Variants in PCCA observed in about 807,000 individuals in gnomAD.
PCCA encodes propionyl-CoA carboxylase alpha chain, mitochondrial.
Under a neutral mutation model 101.3 loss-of-function variants are expected in PCCA, and 74 were observed. The observed-to-expected ratio is 0.73, with a 90% CI of 0.61 to 0.89. PCCA has a LOEUF of 0.89. Ranked by LOEUF, PCCA falls within the 40% of genes least tolerant of loss-of-function variation. The pLI, the probability that PCCA is intolerant of heterozygous loss-of-function variation, is 0.00. For synonymous variants in PCCA, 294 were observed against 313.6 expected (o/e 0.94, Z 0.66); for missense variants, 891 against 907.0 (o/e 0.98, Z 0.23).
At chr13:100,228,283 TG>T (rs2060268435) in intron 7 of PCCA, among the ~76,000 whole-genome samples, 1 of 152,234 alleles carries the variant, frequency 6.6e-6, no homozygotes, top group Non-Finnish European at 1.5e-5. Flanking sequence ...CCCAGAGTGC[TG>T]GGATTACAGG....
chr13:100,102,763 C>T, intron 1 of PCCA, 120 bp from the exon 2 acceptor site: 8 of 712,574 alleles, frequency 1.1e-5, no homozygotes, highest in South Asian at 4.6e-5. Flanking sequence ...GGTATATTGC[C>T]TAGAACTACA....
chr13:100,351,682 A>G (rs1222276539), intron 18 of PCCA, among the ~76,000 whole-genome samples: 2 of 152,200 alleles, frequency 1.3e-5, no homozygotes, highest in Non-Finnish European at 2.9e-5. Flanking sequence ...ATATCTCTTC[A>G]TCAGTTTACT....
intron 19 of PCCA, among the ~76,000 whole-genome samples, chr13:100,385,456 A>AAAATATTC (rs1418702552): frequency 6.6e-6 from 1 of 152,152 alleles, no homozygotes; most frequent in African/African-American, 2.4e-5. Flanking sequence ...CCCTGGTAAA[A>AAAATATTC]AAATATTCAG....
intron 21 of PCCA, among the ~76,000 whole-genome samples, chr13:100,503,521 G>GT (rs1439887783): frequency 6.6e-6 from 1 of 152,032 alleles, no homozygotes; most frequent in African/African-American, 2.4e-5. Flanking sequence ...ATAAAATAAA[G>GT]TTTTTTCTGT....
intron 16 of PCCA, among the ~76,000 whole-genome samples, chr13:100,315,719 A>C (rs1478683099): frequency 6.6e-6 from 1 of 152,172 alleles, no homozygotes; most frequent in Non-Finnish European, 1.5e-5. Flanking sequence ...GGCCACTCCT[A>C]GGGGCCTCTT....
intron 4 of PCCA, among the ~76,000 whole-genome samples, chr13:100,145,235 A>G (rs796633670): frequency 2.6e-5 from 4 of 152,368 alleles, no homozygotes; most frequent in African/African-American, 7.2e-5. Flanking sequence ...AGCATACAGC[A>G]TAGGTTCTCA....
chr13:100,323,567 C>T (rs9585400), intron 16 of PCCA, among the ~76,000 whole-genome samples: 15,126 of 151,868 alleles, frequency 0.1, 856 homozygotes, highest in Non-Finnish European at 0.13. Context: ...CCTCCTGCCT[C>T]GGCCTCCCAA....
At chr13:100,247,089 G>A (rs1420344867) in intron 8 of PCCA, among the ~76,000 whole-genome samples, 2 of 151,780 alleles carry the variant, frequency 1.3e-5, no homozygotes, top group Non-Finnish European at 2.9e-5. Flanking sequence ...TTATAGTTTA[G>A]TAGAGATGGG....
chr13:100,369,588 A>G (rs536646048), intron 19 of PCCA, among the ~76,000 whole-genome samples: 31 of 152,202 alleles, frequency 2.0e-4, no homozygotes, highest in Non-Finnish European at 4.1e-4. Flanking sequence ...CTCACAGATC[A>G]ATGATGTCAG....
At position 100,257,647 on chromosome 13, in the gene PCCA, C is replaced by T; in HGVS notation, c.690C>T (p.Arg230=). ...ASAGGGGKGM[R]IAWDDEETRD... is the part of the protein sequence containing the mutation. Reference sequence around the variant, plus strand: ...CAGGTGGTGGTGGGAAAGGCATGCGCATTGCTTGGGATGATGAAGAGACCA... The same window carrying T: ...CAGGTGGTGGTGGGAAAGGCATGCGTATTGCTTGGGATGATGAAGAGACCA... Residue 230 remains arginine (R), a synonymous_variant, in exon 9 of 24, where the codon CGC becomes CGT. Coordinates refer to ENST00000376285, the MANE Select transcript of PCCA (RefSeq NM_000282.4). 6.2e-7 allele frequency: 1 copy of T among 1,613,642 alleles called. No homozygotes were observed. The highest frequency in any genetic ancestry group is 8.5e-7 in the Non-Finnish European group (1 of 1,179,702).
At chr13:100,283,521 C>T (rs1205311259) in intron 12 of PCCA, among the ~76,000 whole-genome samples, 1 of 152,196 alleles carries the variant, frequency 6.6e-6, no homozygotes, top group Non-Finnish European at 1.5e-5. Context: ...CCCCTGTCAC[C>T]CGAATCACTT....
chr13:100,154,160 T>C (rs1269237042), intron 4 of PCCA, among the ~76,000 whole-genome samples: 1 of 152,166 alleles, frequency 6.6e-6, no homozygotes, highest in Admixed American at 6.6e-5. Flanking sequence ...TGGAAAGCCA[T>C]TAGGAAATTA....
chr13:100,347,840 GA>G (rs199632506), intron 18 of PCCA, among the ~76,000 whole-genome samples: 1,742 of 151,828 alleles, frequency 0.011, 38 homozygotes, highest in African/African-American at 0.039. Context: ...ATTTTCTGTT[GA>G]AAAAAAGGTA....
At chr13:100,264,438 C>T (rs2062797042) in intron 10 of PCCA, among the ~76,000 whole-genome samples, 1 of 152,126 alleles carries the variant, frequency 6.6e-6, no homozygotes, top group African/African-American at 2.4e-5. Context: ...AAAGTAACTG[C>T]TGTTCCTATC....
At chr13:100,292,953 GTGTGTGTCTGTT>G (rs1293896628) in intron 12 of PCCA, among the ~76,000 whole-genome samples, 2 of 151,842 alleles carry the variant, frequency 1.3e-5, no homozygotes, top group East Asian at 1.9e-4. Context: ...GTGTGTGTGT[GTGTGTGTCTGTT>G]TGTGTGTGTG....
intron 17 of PCCA, among the ~76,000 whole-genome samples, chr13:100,337,652 G>A (rs1381765555): frequency 6.6e-6 from 1 of 152,204 alleles, no homozygotes; most frequent in African/African-American, 2.4e-5. Context: ...TGTGATGAAT[G>A]ATGGTCCATT....
At chr13:100,418,303 CTGGT>C in intron 19 of PCCA, among the ~76,000 whole-genome samples, 1 of 152,316 alleles carries the variant, frequency 6.6e-6, no homozygotes, top group African/African-American at 2.4e-5. Flanking sequence ...CATGCGTCTG[CTGGT>C]CAGGGCCAGC....
At chr13:100,198,881 G>A (rs1294882466) in intron 6 of PCCA, among the ~76,000 whole-genome samples, 1 of 151,012 alleles carries the variant, frequency 6.6e-6, no homozygotes, top group African/African-American at 2.4e-5. Context: ...CTTTACTGAA[G>A]CATCCCAGCC....
intron 19 of PCCA, among the ~76,000 whole-genome samples, chr13:100,373,624 G>T (rs1168355695): frequency 1.3e-5 from 2 of 152,198 alleles, no homozygotes; most frequent in African/African-American, 4.8e-5. Context: ...ATTGCTTCAA[G>T]AATACAAAGT....
Sources: allele counts gnomAD v4.1 joint callset (sites outside exome capture counted in the v4.1 genomes callset), GRCh38; gene constraint gnomAD v4.1.1; transcripts MANE v1.5; gene names NCBI Gene and HGNC (gene_info 2026-07-23, HGNC 2026-07-21).